Variants in TNIP3 observed in about 807,000 individuals in gnomAD.
The protein encoded by TNIP3 is TNFAIP3-interacting protein 3.
In TNIP3, 34 loss-of-function variants were observed where a neutral mutation model predicts 54.1. The observed-to-expected ratio is 0.63, with a 90% CI of 0.48 to 0.84. The LOEUF (loss-of-function observed/expected upper bound fraction) is 0.84. Among genes scored for constraint, TNIP3 ranks in the 40% least tolerant of loss-of-function variants. The probability of loss-of-function intolerance (pLI) is 0.00; values close to 1 mark genes in which losing one functional copy is unlikely to be tolerated. For synonymous variants in TNIP3, 134 were observed against 136.8 expected, an observed-to-expected ratio of 0.98 and a Z score of 0.14; for missense variants, 366 against 387.6, an observed-to-expected ratio of 0.94 and a Z score of 0.47.
intron 2 of TNIP3, among the ~76,000 whole-genome samples, chr4:121,197,948 A>AT (rs1206296195): frequency 2.0e-5 from 3 of 152,254 alleles, no homozygotes; most frequent in African/African-American, 7.2e-5. Flanking sequence ...GCTTGACTGA[A>AT]TAAATACACA....
chr4:121,207,434 T>C (rs1406908074), intron 2 of TNIP3, among the ~76,000 whole-genome samples: 3 of 152,216 alleles, frequency 2.0e-5, no homozygotes, highest in African/African-American at 7.2e-5. Context: ...GAATGATTTA[T>C]AATAGTTAAA....
chr4:121,143,149 A>ATC (rs1382383835), intron 7 of TNIP3, among the ~76,000 whole-genome samples: 1 of 152,232 alleles, frequency 6.6e-6, no homozygotes, highest in Non-Finnish European at 1.5e-5. Context: ...TCAGAAACTT[A>ATC]TCTAAATTTT....
intron 2 of TNIP3, among the ~76,000 whole-genome samples, chr4:121,215,726 C>T (rs1220436148): frequency 1.3e-5 from 2 of 152,076 alleles, no homozygotes; most frequent in Admixed American, 1.3e-4. Context: ...ATCTGTGCCT[C>T]TTTTATGAGG....
upstream of TNIP3, among the ~76,000 whole-genome samples, chr4:121,165,659 T>G (rs1427185026): frequency 6.8e-6 from 1 of 146,712 alleles, no homozygotes; most frequent in Non-Finnish European, 1.5e-5. Flanking sequence ...TTTTGCTAGT[T>G]TGTGTGTGTG....
At chr4:121,219,152 A>T (rs1726929222), upstream of TNIP3, among the ~76,000 whole-genome samples, 2 of 151,850 alleles carry the variant, frequency 1.3e-5, 1 homozygote, top group South Asian at 4.2e-4. Context: ...GTGAGCCGAG[A>T]TCACACCATT....
intron 2 of TNIP3, among the ~76,000 whole-genome samples, chr4:121,187,839 T>C (rs1209871706): frequency 6.6e-6 from 1 of 152,252 alleles, no homozygotes; most frequent in African/African-American, 2.4e-5. Context: ...TAACAAGTTC[T>C]GGACCTCTCA....
rs535966677 is a variant in TNIP3, at chr4:121,194,158, G to T, written c.69-11362C>A. On this transcript the variant is annotated intron_variant, in intron 2 of 12. Transcript: ENST00000507879. ...GATGGTTATCTTGTGGTATATCCTT[G>T]TTTAAGGATACGCATACTAAATCAT... is the stretch of plus-strand genomic sequence containing the variant. Among the ~76,000 whole-genome samples the T allele has an allele frequency of 2.9e-3, 440 of 152,154 alleles. 2 individuals carry two copies. Among genetic ancestry groups the T allele is most frequent in the Non-Finnish European group, 4.9e-3 (336 of 67,980 alleles).
At chr4:121,189,543 T>C (rs567052774) in intron 2 of TNIP3, among the ~76,000 whole-genome samples, 1 of 152,308 alleles carries the variant, frequency 6.6e-6, no homozygotes, top group South Asian at 2.1e-4. Context: ...GACTCATAAA[T>C]TACTCTGTGT....
chr4:121,194,102 A>G (rs1394040243), intron 2 of TNIP3, among the ~76,000 whole-genome samples: 1 of 152,148 alleles, frequency 6.6e-6, no homozygotes, highest in African/African-American at 2.4e-5. Flanking sequence ...GATTAGATGT[A>G]GTAGTGTATC....
intron 6 of TNIP3, 70 bp downstream of exon 6, chr4:121,150,033 A>C: frequency 1.1e-6 from 1 of 922,860 alleles, no homozygotes; most frequent in Admixed American, 2.2e-5. Flanking sequence ...AGACATCTAA[A>C]AATGCCCAAA....
chr4:121,178,365 G>C (rs10518384), intron 3 of TNIP3, among the ~76,000 whole-genome samples: 7,829 of 152,292 alleles, frequency 0.051, 321 homozygotes, highest in African/African-American at 0.11. Context: ...CAACGACAAA[G>C]TGAAAGGACT....
At chr4:121,200,963 T>TG (rs1394280803) in intron 2 of TNIP3, among the ~76,000 whole-genome samples, 1 of 152,032 alleles carries the variant, frequency 6.6e-6, no homozygotes, top group African/African-American at 2.4e-5. Context: ...AGAGTGAAAG[T>TG]AAAGGTCAAT....
intron 9 of TNIP3, among the ~76,000 whole-genome samples, 171 bp from the exon 10 acceptor site, chr4:121,138,855 A>C (rs1314075899): frequency 6.6e-6 from 1 of 152,020 alleles, no homozygotes; most frequent in East Asian, 1.9e-4. Flanking sequence ...CACTGCCATC[A>C]TCTCTCCCTA....
At chr4:121,172,042 C>T (rs1003761866) in intron 3 of TNIP3, among the ~76,000 whole-genome samples, 4 of 152,128 alleles carry the variant, frequency 2.6e-5, no homozygotes, top group Non-Finnish European at 5.9e-5. Flanking sequence ...CCCTATTCCC[C>T]TACTTCTAGG....
At chr4:121,142,653 A>C (rs968842221) in intron 8 of TNIP3, 73 bp downstream of exon 8, 2 of 1,366,754 alleles carry the variant, frequency 1.5e-6, no homozygotes, top group African/African-American at 2.9e-5. Context: ...GAGCTTGAAC[A>C]TGTCTTTAAT....
chr4:121,194,175 C>A (rs1204723365), intron 2 of TNIP3, among the ~76,000 whole-genome samples: 1 of 152,054 alleles, frequency 6.6e-6, no homozygotes, highest in East Asian at 1.9e-4. Flanking sequence ...GATACGCATA[C>A]TAAATCATCC....
chr4:121,177,949 C>T (rs956556007), intron 3 of TNIP3, among the ~76,000 whole-genome samples: 40 of 152,146 alleles, frequency 2.6e-4, no homozygotes, highest in African/African-American at 9.7e-4. Flanking sequence ...AGAATGGAGA[C>T]TCCTGGGGGC....
intron 2 of TNIP3, among the ~76,000 whole-genome samples, chr4:121,208,967 G>A (rs964352603): frequency 2.0e-5 from 3 of 152,034 alleles, no homozygotes; most frequent in African/African-American, 7.3e-5. Context: ...GGAAGGGGAG[G>A]GAGCTCCCCA....
At chr4:121,190,021 C>G (rs1725220389) in intron 2 of TNIP3, among the ~76,000 whole-genome samples, 1 of 152,118 alleles carries the variant, frequency 6.6e-6, no homozygotes, top group African/African-American at 2.4e-5. Flanking sequence ...GGTGCTAGCC[C>G]CAGTGAGAGG....
Sources: allele counts gnomAD v4.1 joint callset (sites outside exome capture counted in the v4.1 genomes callset), GRCh38; gene constraint gnomAD v4.1.1; transcripts MANE v1.5; gene names NCBI Gene and HGNC (gene_info 2026-07-23, HGNC 2026-07-21).